YJEFN3: variants seen among roughly 807,000 people sequenced by gnomAD.
YJEFN3 encodes YjeF N-terminal domain containing 3.
YJEFN3 carries 29 observed loss-of-function variants against 31.5 expected under a neutral mutation model. The ratio of observed to expected loss-of-function variants is 0.92; its 90% CI spans 0.69 to 1.26. The LOEUF is 1.26. YJEFN3 is among the 50% of genes most tolerant of loss of function. The probability of loss-of-function intolerance (pLI) is 0.00; values close to 1 mark genes in which losing one functional copy is unlikely to be tolerated. For synonymous variants in YJEFN3, 227 were observed against 196.1 expected (o/e 1.16, Z -1.32); for missense variants, 442 against 425.4 (o/e 1.04, Z -0.34).
At chr19:19,532,601 C>G (rs1052028245) in intron 2 of YJEFN3, 31 bp from the exon 3 acceptor site, 1 of 1,437,178 alleles carries the variant, frequency 7.0e-7, no homozygotes, top group South Asian at 1.3e-5. Flanking sequence ...CTCTGTGTGT[C>G]TCTGAGTGTC....
intron 2 of YJEFN3, among the ~76,000 whole-genome samples, chr19:19,531,806 A>ACTG (rs1568363571): frequency 7.5e-6 from 1 of 132,786 alleles, no homozygotes; most frequent in African/African-American, 2.9e-5. Flanking sequence ...ATCTCGGCTC[A>ACTG]CTGCAACCTC....
At chr19:19,531,718 CTTTTTTT>C (rs56747140) in intron 2 of YJEFN3, among the ~76,000 whole-genome samples, 1,951 of 75,736 alleles carry the variant, frequency 0.026, 31 homozygotes, top group African/African-American at 0.075. Flanking sequence ...AACAAATAAC[CTTTTTTT>C]TTTTTTTTTT....
intron 3 of YJEFN3, chr19:19,533,310 C>A (rs2061176206): frequency 2.0e-6 from 2 of 985,768 alleles, no homozygotes; most frequent in East Asian, 1.1e-4. Flanking sequence ...GTTTCCTCTG[C>A]AACAGCATAA....
intron 2 of YJEFN3, among the ~76,000 whole-genome samples, chr19:19,532,062 G>A (rs2061161904): frequency 6.6e-6 from 1 of 152,088 alleles, no homozygotes; most frequent in Non-Finnish European, 1.5e-5. Flanking sequence ...ATCTAATTAT[G>A]TCACTGCCCC....
At chr19:19,532,433 C>T (rs2061166215) in intron 2 of YJEFN3, among the ~76,000 whole-genome samples, 199 bp from the exon 3 acceptor site, 1 of 152,240 alleles carries the variant, frequency 6.6e-6, no homozygotes. Context: ...CACCGCGGCC[C>T]GCCAGGCCTC....
chr19:19,535,047 C>T lies in YJEFN3; in HGVS notation c.332C>T (p.Pro111Leu), dbSNP rs762162280. 1.2e-6 allele frequency: 2 copies of T among 1,602,232 alleles called. No individual in the cohort carries two copies. The highest frequency in any genetic ancestry group is 8.5e-7 in the Non-Finnish European group (1 of 1,174,078). ...AVAVTKAFPL[P>L]ALSRKQRTVL... Reference sequence around the variant, plus strand: ...CCCTACCACCAGGCGTTCCCGTTGCCCGCTCTCTCCCGGAAGCAGAGGACG... The same window carrying T: ...CCCTACCACCAGGCGTTCCCGTTGCTCGCTCTCTCCCGGAAGCAGAGGACG... The change falls in exon 4 of 7, where the codon CCC becomes CTC. Residue 111 changes from proline (P) to leucine (L), a missense_variant. Coordinates refer to ENST00000514277, the MANE Select transcript of YJEFN3 (RefSeq NM_198537.4).
rs763792578 is a variant in YJEFN3 at position 19,529,391 on chromosome 19, C to T, written c.87C>T (p.Ala29=). The T allele has an allele frequency of 2.5e-6, 4 of 1,613,394 alleles. No homozygotes were observed. Among genetic ancestry groups the T allele is most frequent in the Middle Eastern group, 1.7e-4 (1 of 6,028 alleles). The change falls in exon 2 of 7, where the codon GCC becomes GCT. Residue 29 remains alanine (A), a synonymous_variant. Coordinates refer to ENST00000514277, the MANE Select transcript of YJEFN3 (RefSeq NM_198537.4). ...LRALELQPPL[A]DMGRAELSSN... ...CCTTGGAGCTGCAGCCCCCACTTGC[C>T]GACATGGGAAGAGCGGAGCTTAGCT...
chr19:19,531,941 T>C (rs1020505415), intron 2 of YJEFN3, among the ~76,000 whole-genome samples: 11 of 151,908 alleles, frequency 7.2e-5, no homozygotes, highest in Admixed American at 4.6e-4. Context: ...GGTTTCACCA[T>C]GTTGGGCAGG....
chr19:19,535,792 T>G (rs1166378805), intron 6 of YJEFN3, 113 bp downstream of exon 6: 20 of 1,360,780 alleles, frequency 1.5e-5, no homozygotes, highest in Non-Finnish European at 1.9e-5. Context: ...CCAGCTTGGA[T>G]GGACCCACAC....
rs2061178122 is a variant in YJEFN3 at position 19,533,498 on chromosome 19, C to T, written c.318+758C>T. The T allele has an allele frequency of 1.8e-5, 15 of 834,558 alleles. No homozygotes were observed. In the South Asian group the frequency reaches 5.6e-4, roughly 31 times the overall value. The allele number at this position is 834,558 out of a possible 1,614,324, so 51.7% of individuals were successfully genotyped here. On this transcript the variant is annotated intron_variant, in intron 3 of 6. Transcript: ENST00000514277. ...CTTACCCTCCTCCTCCTTTCTCTCT[C>T]CCTCCTCCTCCCCTTCCGCCCCTTT...
Position 19,533,043 on chromosome 19 carries a change from T to C in YJEFN3, c.318+303T>C, listed in dbSNP as rs1243517967. The C allele has an allele frequency of 5.9e-6, 7 of 1,179,678 alleles. No individual in the cohort carries two copies. In the Admixed American group the frequency reaches 3.2e-4, roughly 54 times the overall value. The allele number at this position is 1,179,678 out of a possible 1,614,324, so 73.1% of individuals were successfully genotyped here. A position where few individuals can be genotyped will look rare whatever the true frequency, so the allele number is the denominator to read the frequency against. ...GCCTGCTTCTGCCACCTCCTGGGTC[T>C]TGGGCACCAGGGACATCTGCTCCTG... On this transcript the variant is annotated intron_variant, in intron 3 of 6. Transcript: ENST00000514277.
At chr19:19,532,564 C>T in intron 2 of YJEFN3, 68 bp from the exon 3 acceptor site, 2 of 1,118,938 alleles carry the variant, frequency 1.8e-6, no homozygotes, top group South Asian at 3.2e-5. Flanking sequence ...CTTGGCGGAA[C>T]ATTTCTGGCT....
At chr19:19,533,515 C>A in intron 3 of YJEFN3, 3 of 794,000 alleles carry the variant, frequency 3.8e-6, no homozygotes, top group Non-Finnish European at 4.6e-6. Context: ...CCTCCCCTTC[C>A]GCCCCTTTCT....
chr19:19,529,331 C>G, intron 1 of YJEFN3, 33 bp from the exon 2 acceptor site: 1 of 1,587,854 alleles, frequency 6.3e-7, no homozygotes, highest in Non-Finnish European at 8.6e-7. Flanking sequence ...CGAACCCCAA[C>G]CGTGGCCCAC....
Position 19,535,541 on chromosome 19 carries a change from A to T in YJEFN3, c.556A>T (p.Asn186Tyr), listed in dbSNP as rs779103701. ...SYLPTEVQLINEAYGLVVDAV... is the reference protein window; with the variant it reads ...SYLPTEVQLIYEAYGLVVDAV... ...CTGCCTTCCCCAGGTGCAGCTCATT[A>T]ACGAAGCCTATGGGCTGGTGGTGGA... Residue 186 changes from asparagine (N) to tyrosine (Y), a missense_variant, in exon 6 of 7, where the codon AAC (asparagine) becomes TAC (tyrosine). Physicochemically the swap from Asn to Tyr is moderately radical, Grantham distance 143. Transcript: ENST00000514277. The T allele has an allele frequency of 3.8e-6, 6 of 1,599,800 alleles. No individual in the cohort carries two copies. Among genetic ancestry groups the T allele is most frequent in the Non-Finnish European group, 4.3e-6 (5 of 1,171,622 alleles).
intron 2 of YJEFN3, among the ~76,000 whole-genome samples, chr19:19,530,377 C>T (rs2061143067): frequency 6.6e-6 from 1 of 151,794 alleles, no homozygotes; most frequent in African/African-American, 2.4e-5. Flanking sequence ...ACGCAGCCTC[C>T]CACCCCCACC....
rs1180890923 is a variant in YJEFN3, at chr19:19,535,363, C to G, written c.456C>G (p.Pro152=). The part of the protein sequence containing the change: ...VFEYEPTIFY[P]TRSLDLLHRD... ...AGTATGAACCCACCATCTTCTACCC[C>G]ACACGCTCGCTGGACCTGCTGCATC... The change falls in exon 5 of 7, where the codon CCC becomes CCG. Residue 152 remains proline (P), a synonymous_variant. Coordinates refer to ENST00000514277, the MANE Select transcript of YJEFN3 (RefSeq NM_198537.4). 7 of 1,613,848 alleles carry G rather than the reference C, an allele frequency of 4.3e-6. No individual in the cohort carries two copies. The highest frequency in any genetic ancestry group is 2.7e-5 in the African/African-American group (2 of 74,926).
intron 2 of YJEFN3, among the ~76,000 whole-genome samples, chr19:19,531,755 G>A (rs1331937023): frequency 5.0e-5 from 5 of 100,968 alleles, no homozygotes; most frequent in South Asian, 3.1e-4. Flanking sequence ...TTTTGGAGAC[G>A]GAGCCTCACT....
At chr19:19,531,575 C>G (rs1223258668) in intron 2 of YJEFN3, among the ~76,000 whole-genome samples, 1 of 152,044 alleles carries the variant, frequency 6.6e-6, no homozygotes, top group Non-Finnish European at 1.5e-5. Context: ...ACCACCACGC[C>G]CAGCCTAGTC....
Sources: allele counts gnomAD v4.1 joint callset (sites outside exome capture counted in the v4.1 genomes callset), GRCh38; gene constraint gnomAD v4.1.1; transcripts MANE v1.5; gene names NCBI Gene and HGNC (gene_info 2026-07-23, HGNC 2026-07-21).